DDAH1: variants seen among roughly 807,000 people sequenced by gnomAD.
DDAH1 encodes N(G),N(G)-dimethylarginine dimethylaminohydrolase 1.
In DDAH1, 19 loss-of-function variants were observed where a neutral mutation model predicts 28.8. That is an observed-to-expected ratio of 0.66 (90% CI 0.46 to 0.97). The LOEUF (loss-of-function observed/expected upper bound fraction) is 0.97, where lower values mean the gene tolerates loss of function less well. Ranked by LOEUF, DDAH1 falls within the 50% of genes least tolerant of loss-of-function variation. The pLI is 0.00. For missense variants in DDAH1, 326 were observed against 375.9 expected (o/e 0.87, Z 1.10); for synonymous variants, 153 against 154.4 (o/e 0.99, Z 0.07).
intron 4 of DDAH1, among the ~76,000 whole-genome samples, chr1:85,343,403 C>T (rs1257144199): frequency 6.6e-6 from 1 of 152,166 alleles, no homozygotes; most frequent in South Asian, 2.1e-4. Context: ...GCAACTGCTG[C>T]CAGGAAAAGG....
chr1:85,561,200 G>A (rs1170753077), intron 1 of DDAH1, among the ~76,000 whole-genome samples: 1 of 152,088 alleles, frequency 6.6e-6, no homozygotes, highest in Non-Finnish European at 1.5e-5. Flanking sequence ...TTCCTGTAAT[G>A]TAGGGAAAAT....
At chr1:85,502,483 C>T (rs1363819080) in intron 1 of DDAH1, among the ~76,000 whole-genome samples, 3 of 152,210 alleles carry the variant, frequency 2.0e-5, no homozygotes, top group Non-Finnish European at 4.4e-5. Context: ...CTCTTCCTTT[C>T]TCCTGGGAAA....
At chr1:85,563,371 G>T (rs986086512) in intron 1 of DDAH1, among the ~76,000 whole-genome samples, 3 of 152,158 alleles carry the variant, frequency 2.0e-5, no homozygotes, top group Non-Finnish European at 2.9e-5. Flanking sequence ...AAAGAGCTGG[G>T]AATATTTTGT....
At chr1:85,468,481 A>T (rs545407361), upstream of DDAH1, among the ~76,000 whole-genome samples, 1 of 152,018 alleles carries the variant, frequency 6.6e-6, no homozygotes, top group East Asian at 1.9e-4. Flanking sequence ...GGGATGTCTT[A>T]CATGGCGGCA....
intron 4 of DDAH1, among the ~76,000 whole-genome samples, chr1:85,326,944 A>C (rs1647442878): frequency 6.6e-6 from 1 of 152,370 alleles, no homozygotes; most frequent in South Asian, 2.1e-4. Context: ...CCTCTTTATA[A>C]AATGGATATG....
In DDAH1 at chr1:85,479,159, C is replaced by CTTTTTTTTTTTT. The variant is rs35629726; in HGVS notation, c.-7+16995_-7+17006dup. ...ATTATTTTTCCTCCCTTCTGTTTTT[C>CTTTTTTTTTTTT]TTTTTTTTTTTTTTTTTTTTTTTTT... On this transcript the variant is annotated intron_variant, in intron 2 of 6. Transcript: ENST00000426972. 9.7e-4 allele frequency among the ~76,000 whole-genome samples: 76 copies of CTTTTTTTTTTTT among 78,662 alleles called. 1 individual carries two copies. The highest frequency in any genetic ancestry group is 1.7e-3 in the African/African-American group (38 of 21,924). The allele number at this position is 78,662 out of a possible 152,430, so 51.6% of individuals were successfully genotyped here. A position where few individuals can be genotyped will look rare whatever the true frequency, so the allele number is the denominator to read the frequency against.
intron 1 of DDAH1, among the ~76,000 whole-genome samples, chr1:85,454,376 C>T (rs1045559829): frequency 6.6e-6 from 1 of 152,100 alleles, no homozygotes; most frequent in Non-Finnish European, 1.5e-5. Flanking sequence ...GTCAGGAAAC[C>T]ATCACCGTAA....
intron 2 of DDAH1, among the ~76,000 whole-genome samples, chr1:85,480,346 T>C (rs1217681777): frequency 1.3e-5 from 2 of 152,218 alleles, no homozygotes. Flanking sequence ...GGATCTCAGA[T>C]GAAAATAACT....
At chr1:85,502,432 G>T (rs888346168) in intron 1 of DDAH1, among the ~76,000 whole-genome samples, 7 of 152,220 alleles carry the variant, frequency 4.6e-5, no homozygotes, top group African/African-American at 1.7e-4. Flanking sequence ...CTCTGACTGA[G>T]ATCACACATG....
chr1:85,481,385 A>G (rs1189915750), intron 2 of DDAH1, among the ~76,000 whole-genome samples: 1 of 152,136 alleles, frequency 6.6e-6, no homozygotes, highest in Non-Finnish European at 1.5e-5. Flanking sequence ...GATGTGAGTC[A>G]CCTACCCAGC....
chr1:85,419,256 G>A (rs911828456), intron 1 of DDAH1, among the ~76,000 whole-genome samples: 8 of 152,114 alleles, frequency 5.3e-5, no homozygotes, highest in Admixed American at 5.2e-4. Context: ...TTTGGGTAAT[G>A]TGGCCAGAAG....
intron 1 of DDAH1, among the ~76,000 whole-genome samples, chr1:85,462,254 A>G (rs1367415955): frequency 1.3e-5 from 2 of 152,160 alleles, no homozygotes; most frequent in Non-Finnish European, 2.9e-5. Context: ...CGATCCATGG[A>G]TCAGGGGATG....
chr1:85,452,901 C>T (rs1485137963), intron 1 of DDAH1, among the ~76,000 whole-genome samples: 2 of 152,210 alleles, frequency 1.3e-5, no homozygotes, highest in East Asian at 3.8e-4. Flanking sequence ...TCAAGAATCC[C>T]TGTAAACATT....
At chr1:85,340,642 G>C (rs1648417544) in intron 4 of DDAH1, among the ~76,000 whole-genome samples, 1 of 152,052 alleles carries the variant, frequency 6.6e-6, no homozygotes, top group East Asian at 1.9e-4. Context: ...CATAGACTGT[G>C]CTGTGCAATG....
chr1:85,533,379 C>T (rs566746907), intron 1 of DDAH1, among the ~76,000 whole-genome samples: 1 of 151,600 alleles, frequency 6.6e-6, no homozygotes, highest in African/African-American at 2.4e-5. Context: ...CTATATTGTC[C>T]AGGGTGGCCT....
chr1:85,327,334 T>C (rs757544927), intron 4 of DDAH1, among the ~76,000 whole-genome samples: 15 of 152,144 alleles, frequency 9.9e-5, no homozygotes, highest in African/African-American at 1.7e-4. Context: ...TAATCCTTAG[T>C]CTTAAAAACC....
chr1:85,477,222 T>C (rs1655835161), intron 2 of DDAH1, among the ~76,000 whole-genome samples: 1 of 152,172 alleles, frequency 6.6e-6, no homozygotes, highest in Non-Finnish European at 1.5e-5. Context: ...GAAAAATCTA[T>C]GTGCTACAGC....
chr1:85,573,099 G>A (rs968237795), intron 1 of DDAH1, among the ~76,000 whole-genome samples: 2 of 152,220 alleles, frequency 1.3e-5, no homozygotes, highest in Non-Finnish European at 2.9e-5. Flanking sequence ...CACTTACTAT[G>A]TGCCAGGCAT....
chr1:85,343,084 A>AGAG (rs1648608139), intron 4 of DDAH1, among the ~76,000 whole-genome samples: 1 of 152,234 alleles, frequency 6.6e-6, no homozygotes, highest in Non-Finnish European at 1.5e-5. Flanking sequence ...AATATCCTAT[A>AGAG]GAGTCAGTTT....
Sources: gnomAD v4.1 joint callset for allele counts (sites outside exome capture counted in the v4.1 genomes callset) on GRCh38, gnomAD v4.1.1 for gene constraint, MANE v1.5 for transcripts, NCBI Gene and HGNC (gene_info 2026-07-23, HGNC 2026-07-21) for gene names.